Variants in KANSL1L observed in about 807,000 individuals in gnomAD.
KANSL1L encodes the protein KAT8 regulatory NSL complex subunit 1 like.
Under a neutral mutation model 108.6 loss-of-function variants are expected in KANSL1L, and 25 were observed. The observed-to-expected ratio is 0.23, with a 90% confidence interval of 0.17 to 0.32. KANSL1L has a LOEUF of 0.32. Among genes scored for constraint, KANSL1L ranks in the 10% least tolerant of loss-of-function variants. The probability of loss-of-function intolerance (pLI) is 1.00; values close to 1 mark genes in which losing one functional copy is unlikely to be tolerated. For missense variants in KANSL1L, 1,137 were observed against 1,125.7 expected, an observed-to-expected ratio of 1.01 and a Z score of -0.14; for synonymous variants, 405 against 395.1, an observed-to-expected ratio of 1.03 and a Z score of -0.30.
intron 6 of KANSL1L, among the ~76,000 whole-genome samples, chr2:210,075,331 A>G (rs1485237062): frequency 6.6e-6 from 1 of 152,172 alleles, no homozygotes; most frequent in Admixed American, 6.6e-5. Context: ...TGGGGATGTG[A>G]GAAGTTTCAG....
chr2:210,161,589 A>G (rs914178287), intron 1 of KANSL1L, among the ~76,000 whole-genome samples: 3 of 152,190 alleles, frequency 2.0e-5, no homozygotes, highest in Non-Finnish European at 4.4e-5. Flanking sequence ...TAAAAATTAA[A>G]TACTAAATAA....
In KANSL1L at chr2:210,024,125, A is replaced by G. The variant is rs765983425; in HGVS notation, c.2641T>C (p.Cys881Arg). The G allele has an allele frequency of 3.1e-6, 5 of 1,610,926 alleles. No individual in the cohort carries two copies. In the Admixed American group the frequency reaches 5.0e-5, roughly 16 times the overall value. ...YPNNFSSSQQ[C>R]AAASPPGLPS... ...AGCCCAGGAGGACTTGCAGCAGCACATTGCTGACTGCTACTGAAGTTATTA... is the reference window on the plus strand; with the variant it reads ...AGCCCAGGAGGACTTGCAGCAGCACGTTGCTGACTGCTACTGAAGTTATTA... Residue 881 changes from cysteine (C) to arginine (R), a missense_variant, in exon 14 of 15, where the codon TGT becomes CGT. By Grantham distance (180) the Cys-to-Arg change is radical. This residue lies in a region of KANSL1L where 575 missense variants were observed against 567.1 expected (regional missense o/e 1.01). Coordinates refer to ENST00000281772, the MANE Select transcript of KANSL1L (RefSeq NM_152519.4).
At chr2:210,131,759 G>T (rs913150900) in intron 2 of KANSL1L, among the ~76,000 whole-genome samples, 1 of 151,044 alleles carries the variant, frequency 6.6e-6, no homozygotes, top group African/African-American at 2.4e-5. Flanking sequence ...GAGTGCAGCG[G>T]TGCGATCTCT....
intron 5 of KANSL1L, among the ~76,000 whole-genome samples, chr2:210,081,381 A>T (rs2094588697): frequency 1.3e-5 from 2 of 152,128 alleles, no homozygotes; most frequent in Admixed American, 1.3e-4. Flanking sequence ...TCCAATAATC[A>T]TCTAACTCTC....
At chr2:210,075,094 G>A (rs1420315204) in intron 6 of KANSL1L, among the ~76,000 whole-genome samples, 1 of 152,104 alleles carries the variant, frequency 6.6e-6, no homozygotes, top group African/African-American at 2.4e-5. Flanking sequence ...GAAGGAAAAG[G>A]AGCACTCAAC....
chr2:210,047,448 A>G (rs1387970790), intron 6 of KANSL1L, among the ~76,000 whole-genome samples: 4 of 152,202 alleles, frequency 2.6e-5, no homozygotes, highest in Non-Finnish European at 2.9e-5. Context: ...GAACATGAAT[A>G]CAATTTCACC....
chr2:210,120,657 A>T (rs1479184692), intron 3 of KANSL1L, among the ~76,000 whole-genome samples: 1 of 152,224 alleles, frequency 6.6e-6, no homozygotes, highest in Non-Finnish European at 1.5e-5. Flanking sequence ...TATACTAACT[A>T]AACTAGAGAG....
At chr2:210,046,988 TCA>T (rs1343367694) in intron 6 of KANSL1L, among the ~76,000 whole-genome samples, 1 of 152,194 alleles carries the variant, frequency 6.6e-6, no homozygotes, top group East Asian at 1.9e-4. Flanking sequence ...CTGAGAGGTC[TCA>T]CAGGCTCAGG....
intron 4 of KANSL1L, among the ~76,000 whole-genome samples, chr2:210,101,876 A>G (rs987550791): frequency 6.6e-6 from 1 of 152,226 alleles, no homozygotes; most frequent in Non-Finnish European, 1.5e-5. Context: ...TATGTCAGAA[A>G]AACTCAGGAA....
At chr2:210,167,584 T>A (rs1688062209) in intron 1 of KANSL1L, among the ~76,000 whole-genome samples, 1 of 152,020 alleles carries the variant, frequency 6.6e-6, no homozygotes, top group Admixed American at 6.5e-5. Flanking sequence ...TAACTTCACA[T>A]GAATAAACAC....
intron 6 of KANSL1L, 45 bp downstream of exon 6, chr2:210,075,507 G>A: frequency 7.9e-7 from 1 of 1,258,038 alleles, no homozygotes; most frequent in Non-Finnish European, 1.2e-6. Flanking sequence ...GAAATATGCT[G>A]ATGGTGAATC....
chr2:210,102,535 C>A (rs1168101082), intron 4 of KANSL1L, among the ~76,000 whole-genome samples: 1 of 152,100 alleles, frequency 6.6e-6, no homozygotes, highest in Admixed American at 6.5e-5. Flanking sequence ...AGGCAACCTA[C>A]AGAATGGGAG....
At position 210,168,377 on chromosome 2, in the gene KANSL1L, C is replaced by G. The variant is rs1688113781; in HGVS notation, c.-30+2772G>C. 3.9e-5 allele frequency among the ~76,000 whole-genome samples: 6 copies of G among 151,934 alleles called. No individual in the cohort carries two copies. In the South Asian group the frequency reaches 1.0e-3, roughly 26 times the overall value. ...GAATACATGAAAAACATCATGAAAA[C>G]AAGGATTACATATTATTTATAAGAT... On this transcript the variant is annotated intron_variant, in intron 1 of 14. Transcript: ENST00000281772.
At chr2:210,168,663 C>G (rs933146256) in intron 1 of KANSL1L, among the ~76,000 whole-genome samples, 10 of 152,068 alleles carry the variant, frequency 6.6e-5, no homozygotes, top group Non-Finnish European at 8.8e-5. Flanking sequence ...TTGGATAATG[C>G]AGCAGTTGGG....
chr2:210,120,247 C>A (rs918365727), intron 3 of KANSL1L, among the ~76,000 whole-genome samples: 1 of 152,020 alleles, frequency 6.6e-6, no homozygotes, highest in Non-Finnish European at 1.5e-5. Context: ...AAAAAATTAG[C>A]CAGGCATGGT....
intron 1 of KANSL1L, among the ~76,000 whole-genome samples, chr2:210,162,074 A>AT (rs1451313527): frequency 0.015 from 2,245 of 146,350 alleles, 55 homozygotes; most frequent in African/African-American, 0.048. Flanking sequence ...AAAAAAAAAA[A>AT]AAATATATAT....
At chr2:210,105,369 A>T (rs2094836670) in intron 3 of KANSL1L, among the ~76,000 whole-genome samples, 2 of 141,704 alleles carry the variant, frequency 1.4e-5, no homozygotes, top group Non-Finnish European at 3.0e-5. Flanking sequence ...ATATATTTGA[A>T]AAAAAATATA....
In KANSL1L at chr2:210,078,830, T is replaced by C. The variant is rs1293705641; in HGVS notation, c.1551-3074A>G. On this transcript the variant is annotated intron_variant, in intron 5 of 14. Coordinates refer to ENST00000281772, the MANE Select transcript of KANSL1L (RefSeq NM_152519.4). ...AGATGATGATTCAGGTAATTAAGTATTGACTAAAATAGGAACCTAATGATA... is the reference window on the plus strand; with the variant it reads ...AGATGATGATTCAGGTAATTAAGTACTGACTAAAATAGGAACCTAATGATA... Among the ~76,000 whole-genome samples, 8 of 152,162 alleles carry C rather than the reference T, an allele frequency of 5.3e-5. No homozygotes were observed. In the South Asian group the frequency reaches 1.5e-3, roughly 28 times the overall value.
intron 3 of KANSL1L, among the ~76,000 whole-genome samples, chr2:210,128,743 G>A (rs577697483): frequency 3.9e-5 from 6 of 151,998 alleles, no homozygotes; most frequent in Non-Finnish European, 7.4e-5. Context: ...AGATGTTAAG[G>A]TTTTTATGTA....
Sources: gnomAD v4.1 joint callset for allele counts (sites outside exome capture counted in the v4.1 genomes callset) on GRCh38, gnomAD v4.1.1 for gene constraint, gnomAD v4.1.1 regional missense constraint, MANE v1.5 for transcripts, NCBI Gene and HGNC (gene_info 2026-07-23, HGNC 2026-07-21) for gene names.